Variants in XYLT1 observed in about 807,000 individuals in gnomAD.
XYLT1 encodes beta-D-xylosyltransferase 1.
A neutral mutation model predicts 91.3 loss-of-function variants in XYLT1; 36 were observed. The ratio of observed to expected loss-of-function variants is 0.39; its 90% CI spans 0.30 to 0.52. XYLT1 has a LOEUF of 0.52. XYLT1 is among the 20% of genes least tolerant of loss of function. The probability of loss-of-function intolerance (pLI) is 0.68; values close to 1 mark genes in which losing one functional copy is unlikely to be tolerated. For synonymous variants in XYLT1, 588 were observed against 532.0 expected, an observed-to-expected ratio of 1.11 and a Z score of -1.45; for missense variants, 1,242 against 1,284.5, an observed-to-expected ratio of 0.97 and a Z score of 0.51.
intron 2 of XYLT1, among the ~76,000 whole-genome samples, chr16:17,311,318 G>A (rs1384700922): frequency 1.3e-5 from 2 of 152,132 alleles, no homozygotes; most frequent in Non-Finnish European, 2.9e-5. Context: ...TAGGTCCTCT[G>A]GTTCATGTGA....
intron 2 of XYLT1, among the ~76,000 whole-genome samples, chr16:17,278,809 G>A (rs905635043): frequency 6.6e-6 from 1 of 152,222 alleles, no homozygotes; most frequent in Non-Finnish European, 1.5e-5. Flanking sequence ...CAAGGGGCAA[G>A]GCTGGGATCC....
chr16:17,442,252 G>C (rs1477807942), intron 1 of XYLT1, among the ~76,000 whole-genome samples: 1 of 152,160 alleles, frequency 6.6e-6, no homozygotes, highest in Non-Finnish European at 1.5e-5. Context: ...TAATGAAACT[G>C]TATGCGTGTG....
intron 1 of XYLT1, among the ~76,000 whole-genome samples, chr16:17,433,275 G>A (rs2036413375): frequency 6.6e-6 from 1 of 152,130 alleles, no homozygotes; most frequent in Non-Finnish European, 1.5e-5. Context: ...ACACTCTGAT[G>A]GCAGAAAAAA....
chr16:17,108,873 G>A lies in XYLT1; in HGVS notation c.2702C>T (p.Ala901Val), dbSNP rs184391112. The change falls in exon 12 of 12, where the codon GCG becomes GTG. Residue 901 changes from alanine to valine, a missense_variant. Ala to Val is a moderately conservative substitution (Grantham distance 64). Coordinates refer to ENST00000261381, the MANE Select transcript of XYLT1 (RefSeq NM_022166.4). ...CAACGAGTCCAGCCATCCCTCCAGC[G>A]CTGTGCCCGTGGAGGCTGCGTTCCT... ...ARRNAASTGT[A>V]LEGWLDSLVG... 37 of 1,612,550 alleles carry A rather than the reference G, an allele frequency of 2.3e-5. No homozygotes were observed. Among genetic ancestry groups the A allele is most frequent in the South Asian group, 6.6e-5 (6 of 90,936 alleles).
rs181812308 is a variant in XYLT1, at chr16:17,160,374, C to T, written c.1290-1465G>A. ...AGCTGCCCCTACTGCTCACCCCCTC[C>T]TTCATTTCCCTGCGCCTCTGCAGTC... is the stretch of plus-strand genomic sequence containing the variant. On this transcript the variant is annotated intron_variant, in intron 5 of 11. Transcript: ENST00000261381. Among the ~76,000 whole-genome samples the T allele has an allele frequency of 7.1e-4, 108 of 152,334 alleles. 1 individual carries two copies. Among genetic ancestry groups the T allele is most frequent in the Non-Finnish European group, 1.2e-3 (80 of 68,034 alleles).
intron 3 of XYLT1, among the ~76,000 whole-genome samples, chr16:17,258,262 G>C (rs1567344752): frequency 2.6e-5 from 4 of 151,286 alleles, no homozygotes; most frequent in African/African-American, 7.3e-5. Flanking sequence ...AGGAAGGAAT[G>C]TAGAAGGGAA....
At chr16:17,110,449 G>T (rs1966838072) in intron 11 of XYLT1, among the ~76,000 whole-genome samples, 1 of 152,274 alleles carries the variant, frequency 6.6e-6, no homozygotes, top group South Asian at 2.1e-4. Flanking sequence ...TTTTTTAAAG[G>T]GGAGTGTCCT....
At chr16:17,365,058 T>C (rs1457588083) in intron 1 of XYLT1, among the ~76,000 whole-genome samples, 1 of 152,222 alleles carries the variant, frequency 6.6e-6, no homozygotes, top group Non-Finnish European at 1.5e-5. Flanking sequence ...CCATCAAGTG[T>C]CGGATGCATG....
chr16:17,306,393 C>T (rs779444075), intron 2 of XYLT1, among the ~76,000 whole-genome samples: 1 of 152,060 alleles, frequency 6.6e-6, no homozygotes, highest in Non-Finnish European at 1.5e-5. Context: ...CCTGTAATCC[C>T]AGCGCTCTGG....
In XYLT1 at chr16:17,138,406, C is replaced by T; in HGVS notation, c.1713G>A (p.Trp571Ter). 1 of 1,614,124 alleles carries T rather than the reference C, an allele frequency of 6.2e-7. No homozygotes were observed. The highest frequency in any genetic ancestry group is 8.5e-7 in the Non-Finnish European group (1 of 1,180,010). Residue 571 changes from tryptophan to a stop codon, truncating the protein, a stop_gained, in exon 8 of 12, where the codon TGG becomes TGA. Coordinates refer to ENST00000261381, the MANE Select transcript of XYLT1 (RefSeq NM_022166.4). LOFTEE classifies it high-confidence loss of function. ...TGAAGTCATTGGGGGAGCAGCCGCA[C>T]CAGTCCACGATGTGCTTGTACTGGC... ...CKCQYKHIVD[W>*]CGCSPNDFKP...
At chr16:17,318,272 T>C (rs2034666369) in intron 2 of XYLT1, among the ~76,000 whole-genome samples, 1 of 152,220 alleles carries the variant, frequency 6.6e-6, no homozygotes, top group Non-Finnish European at 1.5e-5. Context: ...GCCGGGGCTC[T>C]TAACCACTGA....
chr16:17,224,376 G>A (rs547079652), intron 3 of XYLT1, among the ~76,000 whole-genome samples: 14 of 152,332 alleles, frequency 9.2e-5, no homozygotes, highest in African/African-American at 2.2e-4. Context: ...GACCAGGCAC[G>A]TGCATGCCTA....
intron 3 of XYLT1, among the ~76,000 whole-genome samples, chr16:17,221,368 G>C (rs2032965265): frequency 6.6e-6 from 1 of 152,112 alleles, no homozygotes; most frequent in African/African-American, 2.4e-5. Context: ...TTTTCGGTTG[G>C]TTGGTTGGTT....
At chr16:17,134,873 G>T in intron 8 of XYLT1, 138 bp from the exon 9 acceptor site, 1 of 1,008,650 alleles carries the variant, frequency 9.9e-7, no homozygotes, top group Non-Finnish European at 1.5e-6. Context: ...GCACCTCTGT[G>T]TTCTCAGTTT....
At chr16:17,420,064 A>G (rs777904704) in intron 1 of XYLT1, among the ~76,000 whole-genome samples, 3 of 152,192 alleles carry the variant, frequency 2.0e-5, no homozygotes, top group Non-Finnish European at 4.4e-5. Context: ...GCAAAATATC[A>G]TCTAATGGCT....
chr16:17,318,826 C>T (rs1219243743), intron 2 of XYLT1, among the ~76,000 whole-genome samples: 1 of 148,492 alleles, frequency 6.7e-6, no homozygotes, highest in Non-Finnish European at 1.5e-5. Context: ...GTCTAACTCT[C>T]GCCCAGGCTG....
chr16:17,276,329 G>GCA (rs367811877), intron 2 of XYLT1, among the ~76,000 whole-genome samples: 39 of 152,258 alleles, frequency 2.6e-4, no homozygotes, highest in African/African-American at 9.1e-4. Flanking sequence ...TGCCCCACTG[G>GCA]CACTTCCTGT....
chr16:17,372,553 T>C (rs1443167898), intron 1 of XYLT1, among the ~76,000 whole-genome samples: 1 of 152,234 alleles, frequency 6.6e-6, no homozygotes, highest in African/African-American at 2.4e-5. Flanking sequence ...GTTCCATTAA[T>C]GGTAAGGCCT....
intron 3 of XYLT1, among the ~76,000 whole-genome samples, chr16:17,255,227 G>C (rs958417510): frequency 2.0e-5 from 3 of 152,066 alleles, no homozygotes; most frequent in African/African-American, 7.2e-5. Flanking sequence ...TCGAACTCCT[G>C]ATCTCAAATG....
Sources: allele counts gnomAD v4.1 joint callset (sites outside exome capture counted in the v4.1 genomes callset), GRCh38; gene constraint gnomAD v4.1.1; transcripts MANE v1.5; gene names NCBI Gene and HGNC (gene_info 2026-07-23, HGNC 2026-07-21).